RORA: variants seen among roughly 807,000 people sequenced by gnomAD.
RORA encodes the protein RAR related orphan receptor A, also known as nuclear receptor ROR-alpha.
Under a neutral mutation model 69.5 loss-of-function variants are expected in RORA, and 7 were observed. The ratio of observed to expected loss-of-function variants is 0.10; its 90% CI spans 0.06 to 0.19. The LOEUF is 0.19. Ranked by LOEUF, RORA falls within the 10% of genes least tolerant of loss-of-function variation. The pLI, the probability that RORA is intolerant of heterozygous loss-of-function variation, is 1.00. For synonymous variants in RORA, 261 were observed against 240.8 expected, an observed-to-expected ratio of 1.08 and a Z score of -0.78; for missense variants, 457 against 663.0, an observed-to-expected ratio of 0.69 and a Z score of 3.41.
chr15:60,822,409 AG>A (rs777471330), intron 1 of RORA, among the ~76,000 whole-genome samples: 1 of 152,198 alleles, frequency 6.6e-6, no homozygotes, highest in Non-Finnish European at 1.5e-5. Context: ...CCAGCTTCCC[AG>A]GTCAGGTACA....
chr15:61,013,206 A>G (rs1895147366), intron 1 of RORA, among the ~76,000 whole-genome samples: 1 of 152,222 alleles, frequency 6.6e-6, no homozygotes, highest in African/African-American at 2.4e-5. Context: ...GATAATATGT[A>G]TTCACATAAC....
At chr15:60,821,472 T>A (rs1333187859) in intron 1 of RORA, among the ~76,000 whole-genome samples, 1 of 152,194 alleles carries the variant, frequency 6.6e-6, no homozygotes. Context: ...CCAAAGTGGC[T>A]CAAAGGCTTC....
chr15:60,550,520 T>A (rs373488678), intron 2 of RORA, among the ~76,000 whole-genome samples: 4 of 152,182 alleles, frequency 2.6e-5, no homozygotes, highest in African/African-American at 9.7e-5. Context: ...TTAAAAAATA[T>A]CAATGAAAGT....
intron 1 of RORA, among the ~76,000 whole-genome samples, chr15:60,822,065 T>C (rs1440979403): frequency 6.6e-6 from 1 of 152,210 alleles, no homozygotes; most frequent in African/African-American, 2.4e-5. Context: ...CAAACCCTGA[T>C]TGTATTGCTA....
chr15:61,185,306 C>T (rs777141727), intron 1 of RORA, among the ~76,000 whole-genome samples: 3 of 151,992 alleles, frequency 2.0e-5, no homozygotes, highest in Non-Finnish European at 4.4e-5. Context: ...CCTGTTGATC[C>T]CATCTTTTTT....
At chr15:60,684,077 A>C (rs1453955208) in intron 1 of RORA, among the ~76,000 whole-genome samples, 1 of 151,790 alleles carries the variant, frequency 6.6e-6, no homozygotes, top group African/African-American at 2.4e-5. Flanking sequence ...CTGGGTATCC[A>C]GTTAATTTTA....
chr15:61,084,870 T>C (rs1249984719), intron 1 of RORA, among the ~76,000 whole-genome samples: 1 of 151,334 alleles, frequency 6.6e-6, no homozygotes, highest in East Asian at 2.0e-4. Context: ...TTTTCTGCCA[T>C]GAGCTTTAGC....
chr15:61,014,063 G>A (rs537896398), intron 1 of RORA, among the ~76,000 whole-genome samples: 156 of 152,168 alleles, frequency 1.0e-3, no homozygotes, highest in Non-Finnish European at 1.4e-3. Context: ...GATCACAGGC[G>A]TGAGCCACCG....
intron 1 of RORA, among the ~76,000 whole-genome samples, chr15:60,934,459 C>T (rs1300824363): frequency 7.1e-6 from 1 of 139,984 alleles, no homozygotes; most frequent in Admixed American, 7.3e-5. Context: ...TGGGATAAGG[C>T]CCAAGAGTTT....
At chr15:61,054,786 T>C (rs1184575391) in intron 1 of RORA, among the ~76,000 whole-genome samples, 2 of 151,918 alleles carry the variant, frequency 1.3e-5, no homozygotes, top group Non-Finnish European at 2.9e-5. Context: ...TTAACTTTCA[T>C]CATGCATTTA....
At chr15:61,058,576 T>C (rs999844859) in intron 1 of RORA, among the ~76,000 whole-genome samples, 4 of 152,182 alleles carry the variant, frequency 2.6e-5, no homozygotes, top group Middle Eastern at 3.4e-3. Flanking sequence ...TACAGACTAA[T>C]TGAATATCAA....
chr15:60,809,749 T>A (rs560537321), intron 1 of RORA, among the ~76,000 whole-genome samples: 18 of 152,204 alleles, frequency 1.2e-4, no homozygotes, highest in African/African-American at 3.9e-4. Context: ...TGGGGCATGT[T>A]ATATACAATG....
At chr15:61,130,794 C>A (rs1472299188) in intron 1 of RORA, among the ~76,000 whole-genome samples, 1 of 152,126 alleles carries the variant, frequency 6.6e-6, no homozygotes, top group African/African-American at 2.4e-5. Context: ...CTAAACAGTT[C>A]TTTCAACTTT....
intron 10 of RORA, among the ~76,000 whole-genome samples, chr15:60,498,882 C>G (rs1372615311): frequency 2.7e-5 from 4 of 147,876 alleles, no homozygotes; most frequent in Admixed American, 2.7e-4. Context: ...AACAAGCAAA[C>G]AAATAAACAA....
At chr15:61,173,557 G>C (rs2140895779) in intron 1 of RORA, among the ~76,000 whole-genome samples, 1 of 152,310 alleles carries the variant, frequency 6.6e-6, no homozygotes, top group East Asian at 1.9e-4. Context: ...TTTGCCATGT[G>C]AATCTTCTAG....
intron 1 of RORA, among the ~76,000 whole-genome samples, chr15:60,991,386 G>A (rs541658649): frequency 6.6e-6 from 1 of 152,286 alleles, no homozygotes; most frequent in South Asian, 2.1e-4. Flanking sequence ...TTTCAAGGAG[G>A]TAATAGGCTT....
At position 60,961,770 on chromosome 15, in the gene RORA, C is replaced by T. The variant is rs1163179842; in HGVS notation, c.166+267283G>A. Among the ~76,000 whole-genome samples, 3 of 152,214 alleles carry T rather than the reference C, an allele frequency of 2.0e-5. No homozygotes were observed. The East Asian group carries it at 5.8e-4, about 29-fold the overall frequency. On this transcript the variant is annotated intron_variant, in intron 1 of 10. Transcript: ENST00000335670. Reference sequence around the variant, plus strand: ...CAGCTCAAGCCAACACAAGCACATGCTAACTTGATGGGCAGTGTAATGAGA... The same window carrying T: ...CAGCTCAAGCCAACACAAGCACATGTTAACTTGATGGGCAGTGTAATGAGA...
chr15:60,992,815 C>G (rs1450067606), intron 1 of RORA, among the ~76,000 whole-genome samples: 1 of 152,156 alleles, frequency 6.6e-6, no homozygotes, highest in East Asian at 1.9e-4. Context: ...AAGTCTACTT[C>G]GGTCTGGTTT....
chr15:61,015,396 AC>A (rs1423954525), intron 1 of RORA, among the ~76,000 whole-genome samples: 1 of 152,196 alleles, frequency 6.6e-6, no homozygotes, highest in Non-Finnish European at 1.5e-5. Context: ...TTTAAAATAT[AC>A]TGACAAAGCT....
Sources: allele counts gnomAD v4.1 joint callset (sites outside exome capture counted in the v4.1 genomes callset), GRCh38; gene constraint gnomAD v4.1.1; transcripts MANE v1.5; gene names NCBI Gene and HGNC (gene_info 2026-07-23, HGNC 2026-07-21).